NFYC: variants seen among roughly 807,000 people sequenced by gnomAD.
NFYC encodes CAAT box DNA-binding protein subunit C.
A neutral mutation model predicts 53.1 loss-of-function variants in NFYC; 25 were observed. That is an observed-to-expected ratio of 0.47 (90% CI 0.34 to 0.66). The LOEUF (loss-of-function observed/expected upper bound fraction) is 0.66. Among genes scored for constraint, NFYC ranks in the 30% least tolerant of loss-of-function variants. The pLI, the probability that NFYC is intolerant of heterozygous loss-of-function variation, is 0.01. For synonymous variants in NFYC, 145 were observed against 152.6 expected (o/e 0.95, Z 0.37); for missense variants, 260 against 422.7 (o/e 0.62, Z 3.38).
intron 1 of NFYC, among the ~76,000 whole-genome samples, chr1:40,716,970 A>G (rs1262611870): frequency 6.6e-6 from 1 of 152,096 alleles, no homozygotes. Flanking sequence ...GTTTGGGGGG[A>G]AAAGAAGATA....
At position 40,731,587 on chromosome 1, in the gene NFYC, C is replaced by T. The variant is rs562433848; in HGVS notation, c.-8-7249C>T. ...GCAGCCTCCACCTCCTGGATTCAAGCGATTCCCCCGCCTCAGCCTCCTGAG... is the reference window on the plus strand; with the variant it reads ...GCAGCCTCCACCTCCTGGATTCAAGTGATTCCCCCGCCTCAGCCTCCTGAG... On this transcript the variant is annotated intron_variant, in intron 1 of 9. Coordinates refer to ENST00000447388, the MANE Select transcript of NFYC (RefSeq NM_014223.5). Among the ~76,000 whole-genome samples, 8 of 152,100 alleles carry T rather than the reference C, an allele frequency of 5.3e-5. No individual in the cohort carries two copies. In the East Asian group the frequency reaches 7.7e-4, roughly 15 times the overall value.
Position 40,718,829 on chromosome 1 carries a change from A to T in NFYC, c.-8-20007A>T, listed in dbSNP as rs557444709. The stretch of plus-strand genomic sequence containing the variant: ...TGGGTTCTCATCTTGAAACATAGAG[A>T]TCGATATTTTTAGATGAATCATGGT... On this transcript the variant is annotated intron_variant, in intron 1 of 9. Transcript: ENST00000447388. Among the ~76,000 whole-genome samples the T allele has an allele frequency of 3.2e-3, 486 of 152,186 alleles. 1 individual carries two copies. The highest frequency in any genetic ancestry group is 7.0e-3 in the Admixed American group (107 of 15,286).
At chr1:40,713,522 G>A (rs1404064123) in intron 1 of NFYC, among the ~76,000 whole-genome samples, 1 of 152,168 alleles carries the variant, frequency 6.6e-6, no homozygotes, top group Non-Finnish European at 1.5e-5. Context: ...GTTGAACATG[G>A]CTGTCTTCAT....
intron 4 of NFYC, among the ~76,000 whole-genome samples, chr1:40,750,681 C>T (rs1012182223): frequency 9.2e-5 from 14 of 152,120 alleles, no homozygotes; most frequent in African/African-American, 3.4e-4. Flanking sequence ...TCTGTGGATC[C>T]AGAGAGATCC....
intron 8 of NFYC, chr1:40,767,057 G>A (rs1646849655): frequency 7.5e-7 from 1 of 1,334,604 alleles, no homozygotes; most frequent in Non-Finnish European, 1.1e-6. Flanking sequence ...CCAAGTGGCT[G>A]TTGTGTTCTG....
chr1:40,725,894 C>T (rs1644494262), intron 1 of NFYC, among the ~76,000 whole-genome samples: 1 of 152,146 alleles, frequency 6.6e-6, no homozygotes, highest in Admixed American at 6.5e-5. Flanking sequence ...TATAGTGTAG[C>T]CTATTAAGTG....
At chr1:40,704,222 C>T (rs1223817398) in intron 1 of NFYC, among the ~76,000 whole-genome samples, 1 of 152,052 alleles carries the variant, frequency 6.6e-6, no homozygotes, top group Non-Finnish European at 1.5e-5. Flanking sequence ...CAGGCGCCCG[C>T]CACCACGCCC....
chr1:40,770,468 A>G lies in NFYC; in HGVS notation c.889-241A>G. 2 of 1,551,012 alleles carry G rather than the reference A, an allele frequency of 1.3e-6. No homozygotes were observed. The highest frequency in any genetic ancestry group is 1.7e-6 in the Non-Finnish European group (2 of 1,147,026). ...CAGAGCCCAGAGAAGTGAAAGCCACAGGAAATTCAACTCCCTGCACCTCTT... is the reference window on the plus strand; with the variant it reads ...CAGAGCCCAGAGAAGTGAAAGCCACGGGAAATTCAACTCCCTGCACCTCTT... On this transcript the variant is annotated intron_variant, in intron 9 of 9. Transcript: ENST00000447388. This position sits in a 1 kb window ranked among gnomAD's most constrained non-coding sequence, Gnocchi z 5.3.
intron 7 of NFYC, among the ~76,000 whole-genome samples, chr1:40,765,732 G>A (rs1465477044): frequency 1.3e-5 from 2 of 152,140 alleles, no homozygotes; most frequent in Non-Finnish European, 2.9e-5. Context: ...CATCATCTTT[G>A]CTGAGCTACA....
chr1:40,767,387 A>C (rs972095443), intron 8 of NFYC: 1 of 231,886 alleles, frequency 4.3e-6, no homozygotes, highest in East Asian at 1.1e-4. Flanking sequence ...ATCTATTGAC[A>C]GTGGTGACAG....
intron 1 of NFYC, among the ~76,000 whole-genome samples, chr1:40,704,448 A>T (rs1299461872): frequency 2.6e-5 from 4 of 152,172 alleles, no homozygotes; most frequent in Non-Finnish European, 5.9e-5. Context: ...CCAGGGAAGA[A>T]TGTTAGCTGA....
chr1:40,764,250 C>T (rs1436840996), intron 7 of NFYC, among the ~76,000 whole-genome samples: 3 of 152,184 alleles, frequency 2.0e-5, no homozygotes, highest in Admixed American at 6.5e-5. Flanking sequence ...TAGAAACTCA[C>T]GTAGACTTGG....
intron 1 of NFYC, chr1:40,709,481 A>G (rs752994008): frequency 1.3e-5 from 2 of 152,230 alleles, no homozygotes; most frequent in African/African-American, 2.4e-5. Flanking sequence ...TGGAGTGGAC[A>G]TTCCAGACTC....
Position 40,766,713 on chromosome 1 carries a change from C to T in NFYC, c.828+10C>T, listed in dbSNP as rs764532437. Reference sequence around the variant, plus strand: ...CACCAATGCTCAACAGGTATGTGCCCCAGAGACACAAGGCCTGTGTTGGAG... The same window carrying T: ...CACCAATGCTCAACAGGTATGTGCCTCAGAGACACAAGGCCTGTGTTGGAG... On this transcript the variant is annotated intron_variant, in intron 8 of 9. Coordinates refer to ENST00000447388, the MANE Select transcript of NFYC (RefSeq NM_014223.5). The T allele has an allele frequency of 3.1e-6, 5 of 1,611,320 alleles. No individual in the cohort carries two copies. Among genetic ancestry groups the T allele is most frequent in the Non-Finnish European group, 4.2e-6 (5 of 1,177,628 alleles).
intron 1 of NFYC, among the ~76,000 whole-genome samples, chr1:40,733,015 C>G (rs565794719): frequency 3.7e-5 from 3 of 81,850 alleles, no homozygotes; most frequent in Admixed American, 3.2e-4. Flanking sequence ...TTCGCCCCCC[C>G]CCCCTTTTTT....
intron 8 of NFYC, chr1:40,768,980 G>T: frequency 5.7e-6 from 1 of 176,134 alleles, no homozygotes; most frequent in Non-Finnish European, 1.2e-5. Flanking sequence ...TTTGCAGTCC[G>T]CCTTCACTGG....
At chr1:40,718,100 A>G (rs1474043879) in intron 1 of NFYC, among the ~76,000 whole-genome samples, 1 of 152,230 alleles carries the variant, frequency 6.6e-6, no homozygotes, top group African/African-American at 2.4e-5. Flanking sequence ...TCTAAACTCC[A>G]TGATTATTTT....
At chr1:40,769,466 G>A (rs1406502116) in intron 9 of NFYC, 51 bp downstream of exon 9, 2 of 1,523,912 alleles carry the variant, frequency 1.3e-6, no homozygotes, top group African/African-American at 1.4e-5. Context: ...GCGGGGCAGG[G>A]TAGCAGGTAG....
intron 1 of NFYC, among the ~76,000 whole-genome samples, chr1:40,699,992 T>G (rs935966669): frequency 6.6e-6 from 1 of 152,230 alleles, no homozygotes; most frequent in African/African-American, 2.4e-5. Flanking sequence ...GACCGCTGTT[T>G]GTGAGAACAC....
Sources: gnomAD v4.1 joint callset for allele counts (sites outside exome capture counted in the v4.1 genomes callset) on GRCh38, gnomAD v4.1.1 for gene constraint, Gnocchi (gnomAD v3.1) non-coding constraint, MANE v1.5 for transcripts, NCBI Gene and HGNC (gene_info 2026-07-23, HGNC 2026-07-21) for gene names.